KLHL1: variants seen among roughly 807,000 people sequenced by gnomAD.
KLHL1 encodes kelch like family member 1.
KLHL1 carries 47 observed loss-of-function variants against 77.7 expected under a neutral mutation model. The ratio of observed to expected loss-of-function variants is 0.60; its 90% CI spans 0.48 to 0.77. The LOEUF (loss-of-function observed/expected upper bound fraction) is 0.77, where lower values mean the gene tolerates loss of function less well. Among genes scored for constraint, KLHL1 ranks in the 30% least tolerant of loss-of-function variants. KLHL1 has a pLI of 0.00. For synonymous variants in KLHL1, 360 were observed against 325.2 expected (o/e 1.11, Z -1.15); for missense variants, 925 against 910.8 (o/e 1.02, Z -0.20).
chr13:69,738,595 A>T lies in KLHL1; in HGVS notation c.1802+1799T>A, dbSNP rs1404757653. On this transcript the variant is annotated intron_variant, in intron 8 of 10. Transcript: ENST00000377844. The stretch of plus-strand genomic sequence containing the variant: ...TGAAAGTCAGTCACAACAGAACTTT[A>T]CAATGCAAACACAAGTATCAGTAGC... 2.6e-5 allele frequency among the ~76,000 whole-genome samples: 4 copies of T among 152,244 alleles called. No individual in the cohort carries two copies. In the East Asian group the frequency reaches 7.8e-4, roughly 30 times the overall value.
At chr13:70,078,955 C>T (rs2137427627) in intron 1 of KLHL1, among the ~76,000 whole-genome samples, 1 of 152,250 alleles carries the variant, frequency 6.6e-6, no homozygotes, top group East Asian at 1.9e-4. Flanking sequence ...TTCTCATTAG[C>T]ATCAAACTCT....
intron 1 of KLHL1, among the ~76,000 whole-genome samples, chr13:70,000,537 C>G (rs988974657): frequency 1.3e-5 from 2 of 151,832 alleles, no homozygotes; most frequent in African/African-American, 4.8e-5. Context: ...TCTTTTCACA[C>G]GTATTTGGAA....
At position 69,719,569 on chromosome 13, in the gene KLHL1, A is replaced by G; in HGVS notation, c.1815T>C (p.Val605=). 6.2e-7 allele frequency: 1 copy of G among 1,610,740 alleles called. No individual in the cohort carries two copies. The highest frequency in any genetic ancestry group is 1.1e-5 in the South Asian group (1 of 91,008). ...VAALNGKLYS[V]GGRDGSSCLS... ...AACAGGAACTTCCATCACGACCTCCAACTGAATACAACCTAAAAACACAAT... is the reference window on the plus strand; with the variant it reads ...AACAGGAACTTCCATCACGACCTCCGACTGAATACAACCTAAAAACACAAT... Residue 605 remains valine, a synonymous_variant, in exon 9 of 11, where the codon GTT becomes GTC. Transcript: ENST00000377844.
At chr13:69,878,191 C>G (rs2045345934) in intron 5 of KLHL1, among the ~76,000 whole-genome samples, 1 of 152,120 alleles carries the variant, frequency 6.6e-6, no homozygotes, top group Non-Finnish European at 1.5e-5. Context: ...CTACTCCTTG[C>G]TATAAAAGTA....
rs563400728 is a variant in KLHL1 at position 69,736,948 on chromosome 13, G to A, written c.1802+3446C>T. Among the ~76,000 whole-genome samples the A allele has an allele frequency of 3.3e-5, 5 of 152,116 alleles. No individual in the cohort carries two copies. In the East Asian group the frequency reaches 9.7e-4, roughly 30 times the overall value. On this transcript the variant is annotated intron_variant, in intron 8 of 10. Transcript: ENST00000377844. ...TCTGCTCTCGGCTCCCAGTGAGAAGGAAAAAATGGCAAGTGAATTCTGCAT... is the reference window on the plus strand; with the variant it reads ...TCTGCTCTCGGCTCCCAGTGAGAAGAAAAAAATGGCAAGTGAATTCTGCAT...
intron 9 of KLHL1, among the ~76,000 whole-genome samples, chr13:69,711,615 A>C (rs1442938400): frequency 6.6e-6 from 1 of 152,150 alleles, no homozygotes; most frequent in Non-Finnish European, 1.5e-5. Context: ...TAAAACAATT[A>C]ATTTCAATAC....
At chr13:69,953,230 A>G (rs9542131) in intron 3 of KLHL1, among the ~76,000 whole-genome samples, 59,962 of 151,044 alleles carry the variant, frequency 0.4, 12,509 homozygotes, top group Non-Finnish European at 0.47. Context: ...AGAAGCATCA[A>G]TGACAATTCT....
chr13:70,094,790 A>T (rs1887749105), intron 1 of KLHL1, among the ~76,000 whole-genome samples: 1 of 152,122 alleles, frequency 6.6e-6, no homozygotes, highest in South Asian at 2.1e-4. Context: ...ACTCCATTGC[A>T]ATTCCATCAC....
intron 1 of KLHL1, among the ~76,000 whole-genome samples, chr13:70,069,548 A>G (rs1250614154): frequency 1.3e-5 from 2 of 152,218 alleles, no homozygotes; most frequent in African/African-American, 4.8e-5. Context: ...GAATTATAAG[A>G]CTAAGAATTT....
At chr13:69,860,019 T>A (rs1880074098) in intron 5 of KLHL1, among the ~76,000 whole-genome samples, 1 of 152,072 alleles carries the variant, frequency 6.6e-6, no homozygotes, top group Non-Finnish European at 1.5e-5. Context: ...CCGTTACAAA[T>A]TCACTCAATT....
At position 70,098,718 on chromosome 13, in the gene KLHL1, T is replaced by C. The variant is rs565019642; in HGVS notation, c.497+8485A>G. Among the ~76,000 whole-genome samples, 88 of 151,946 alleles carry C rather than the reference T, an allele frequency of 5.8e-4. 1 individual carries two copies. The highest frequency in any genetic ancestry group is 2.1e-3 in the African/African-American group (86 of 41,552). On this transcript the variant is annotated intron_variant, in intron 1 of 10. Transcript: ENST00000377844. The stretch of plus-strand genomic sequence containing the variant: ...AATGTTTAGTGTAGTGAAAATTGGA[T>C]ATAAGAAATGGAATTAAAGGATTTC...
chr13:70,084,133 G>A lies in KLHL1; in HGVS notation c.497+23070C>T, dbSNP rs1376505396. ...TTAAAGTCTAGTGCAACATTGTATG[G>A]CACTTCATAATTATGCATTTCCAAT... is the stretch of plus-strand genomic sequence containing the variant. On this transcript the variant is annotated intron_variant, in intron 1 of 10. Transcript: ENST00000377844. Among the ~76,000 whole-genome samples, 8 of 151,998 alleles carry A rather than the reference G, an allele frequency of 5.3e-5. No individual in the cohort carries two copies. In the South Asian group the frequency reaches 6.2e-4, roughly 12 times the overall value.
chr13:69,758,058 T>C (rs1874848178), intron 7 of KLHL1, among the ~76,000 whole-genome samples: 1 of 152,030 alleles, frequency 6.6e-6, no homozygotes, highest in South Asian at 2.1e-4. Context: ...TAAAAACCTT[T>C]ATTTTCTGAT....
intron 1 of KLHL1, among the ~76,000 whole-genome samples, chr13:70,085,436 C>T (rs750779304): frequency 2.6e-5 from 4 of 152,082 alleles, no homozygotes. Context: ...GAAAAAGAAA[C>T]ATGTAAGTCA....
chr13:70,049,176 T>G (rs1886573430), intron 1 of KLHL1, among the ~76,000 whole-genome samples: 1 of 152,160 alleles, frequency 6.6e-6, no homozygotes, highest in African/African-American at 2.4e-5. Flanking sequence ...TAAAACTCAT[T>G]TGATAGATAT....
At chr13:70,082,291 G>A (rs2137431111) in intron 1 of KLHL1, among the ~76,000 whole-genome samples, 1 of 147,566 alleles carries the variant, frequency 6.8e-6, no homozygotes, top group African/African-American at 2.5e-5. Flanking sequence ...TTAACCAGGA[G>A]CCCTTCCTCC....
intron 1 of KLHL1, among the ~76,000 whole-genome samples, chr13:70,082,979 G>A (rs1456804600): frequency 3.3e-5 from 5 of 152,174 alleles, no homozygotes; most frequent in African/African-American, 1.2e-4. Flanking sequence ...AACGGGTAGG[G>A]AAGGAGGGGC....
At chr13:69,733,263 C>G (rs1873627807) in intron 8 of KLHL1, among the ~76,000 whole-genome samples, 1 of 151,750 alleles carries the variant, frequency 6.6e-6, no homozygotes, top group African/African-American at 2.4e-5. Flanking sequence ...CATATCTCCC[C>G]CACTCCCCCA....
At chr13:69,760,148 A>G (rs750120838) in intron 7 of KLHL1, among the ~76,000 whole-genome samples, 1 of 152,068 alleles carries the variant, frequency 6.6e-6, no homozygotes, top group Non-Finnish European at 1.5e-5. Flanking sequence ...TCCTTAGCTA[A>G]AACTACTACA....
Sources: allele counts gnomAD v4.1 joint callset (sites outside exome capture counted in the v4.1 genomes callset), GRCh38; gene constraint gnomAD v4.1.1; transcripts MANE v1.5; gene names NCBI Gene and HGNC (gene_info 2026-07-23, HGNC 2026-07-21).